Variants in DLG2 observed in about 807,000 individuals in gnomAD.
DLG2 encodes disks large homolog 2.
A neutral mutation model predicts 132.5 loss-of-function variants in DLG2; 45 were observed. That is an observed-to-expected ratio of 0.34 (90% CI 0.27 to 0.44). DLG2 has a LOEUF of 0.44. DLG2 is among the 20% of genes least tolerant of loss of function. The probability of loss-of-function intolerance (pLI) is 1.00; values close to 1 mark genes in which losing one functional copy is unlikely to be tolerated. For missense variants in DLG2, 1,045 were observed against 1,196.9 expected (o/e 0.87, Z 1.87); for synonymous variants, 424 against 419.6 (o/e 1.01, Z -0.13).
chr11:84,239,763 T>C (rs774751092), intron 8 of DLG2, among the ~76,000 whole-genome samples: 1 of 152,208 alleles, frequency 6.6e-6, no homozygotes, highest in African/African-American at 2.4e-5. Flanking sequence ...AGTATACTGA[T>C]ACAATTGCAA....
intron 6 of DLG2, among the ~76,000 whole-genome samples, chr11:84,604,701 C>G (rs961780381): frequency 3.9e-5 from 6 of 151,926 alleles, no homozygotes; most frequent in Admixed American, 2.6e-4. Flanking sequence ...ATGACAAGGT[C>G]AACACCAGAT....
intron 6 of DLG2, among the ~76,000 whole-genome samples, chr11:85,030,950 CTT>C (rs889745863): frequency 1.3e-5 from 2 of 151,726 alleles, no homozygotes; most frequent in Admixed American, 1.3e-4. Flanking sequence ...TTTTTAAAAT[CTT>C]TTAAATTTTA....
At chr11:85,234,878 C>T (rs1015725221) in intron 4 of DLG2, among the ~76,000 whole-genome samples, 1 of 151,970 alleles carries the variant, frequency 6.6e-6, no homozygotes, top group East Asian at 1.9e-4. Context: ...AGTGTCTTTT[C>T]ATCAAGAGGG....
At chr11:85,465,218 C>G (rs931781964) in intron 3 of DLG2, among the ~76,000 whole-genome samples, 1 of 146,516 alleles carries the variant, frequency 6.8e-6, no homozygotes, top group South Asian at 2.3e-4. Flanking sequence ...TCATAGCTCA[C>G]TGGAAACTCA....
intron 7 of DLG2, among the ~76,000 whole-genome samples, chr11:84,439,118 G>T (rs2099009903): frequency 1.3e-5 from 2 of 152,176 alleles, no homozygotes; most frequent in Admixed American, 1.3e-4. Context: ...TAACTCCTGT[G>T]CCTAGAACAG....
chr11:85,135,657 A>G (rs932005754), intron 5 of DLG2, among the ~76,000 whole-genome samples: 1 of 152,162 alleles, frequency 6.6e-6, no homozygotes, highest in African/African-American at 2.4e-5. Flanking sequence ...CACCTGACAC[A>G]TGTTTGTTGA....
At chr11:85,052,157 T>C (rs988437608) in intron 6 of DLG2, among the ~76,000 whole-genome samples, 1 of 152,166 alleles carries the variant, frequency 6.6e-6, no homozygotes, top group Admixed American at 6.6e-5. Context: ...TCTCTAATGT[T>C]GAAAATGTCA....
At chr11:84,251,346 A>G (rs1567069189) in intron 7 of DLG2, 55 bp from the exon 8 acceptor site, 4 of 1,317,354 alleles carry the variant, frequency 3.0e-6, no homozygotes, top group Non-Finnish European at 4.1e-6. Flanking sequence ...TCTGAGACAG[A>G]TTATTTCTGT....
intron 7 of DLG2, among the ~76,000 whole-genome samples, chr11:84,267,354 G>C (rs927269616): frequency 6.6e-6 from 1 of 152,226 alleles, no homozygotes; most frequent in Non-Finnish European, 1.5e-5. Context: ...GGAAAGGCTT[G>C]TGGAAGGGGA....
chr11:85,514,113 C>T (rs527940544), intron 3 of DLG2, among the ~76,000 whole-genome samples: 4 of 151,970 alleles, frequency 2.6e-5, no homozygotes, highest in Non-Finnish European at 5.9e-5. Flanking sequence ...CCTTCTTGTT[C>T]TTATATAATC....
intron 16 of DLG2, among the ~76,000 whole-genome samples, chr11:83,842,358 GGCC>G (rs2057738726): frequency 1.3e-5 from 2 of 152,162 alleles, no homozygotes; most frequent in African/African-American, 4.8e-5. Context: ...CACTCTGGGA[GGCC>G]AAGGCGGGCG....
intron 7 of DLG2, among the ~76,000 whole-genome samples, chr11:84,256,235 T>C (rs926018213): frequency 1.6e-4 from 24 of 152,196 alleles, no homozygotes; most frequent in African/African-American, 5.8e-4. Flanking sequence ...TGGTTACCTT[T>C]TGATATGTGT....
intron 2 of DLG2, among the ~76,000 whole-genome samples, chr11:85,605,809 T>C (rs1349446622): frequency 6.6e-6 from 1 of 152,092 alleles, no homozygotes; most frequent in Non-Finnish European, 1.5e-5. Context: ...TGAAACCCCG[T>C]CTCTACTAAA....
chr11:85,361,518 G>A (rs547130953), intron 3 of DLG2, among the ~76,000 whole-genome samples: 16 of 152,154 alleles, frequency 1.1e-4, no homozygotes, highest in Admixed American at 7.9e-4. Context: ...CCATGTGTAC[G>A]CATTGTTTAG....
chr11:83,944,192 A>G (rs1464528204), intron 14 of DLG2, among the ~76,000 whole-genome samples: 2 of 152,238 alleles, frequency 1.3e-5, no homozygotes, highest in Non-Finnish European at 2.9e-5. Context: ...CTCTTCCCTC[A>G]CTGACAAAAC....
At chr11:83,726,443 A>T (rs1034129529) in intron 18 of DLG2, among the ~76,000 whole-genome samples, 2 of 152,198 alleles carry the variant, frequency 1.3e-5, no homozygotes, top group African/African-American at 4.8e-5. Flanking sequence ...AAAGTTTTTT[A>T]AAAAGAACTT....
chr11:85,332,642 A>G (rs1190042907), intron 3 of DLG2, among the ~76,000 whole-genome samples: 58 of 152,212 alleles, frequency 3.8e-4, no homozygotes, highest in Admixed American at 3.7e-3. Flanking sequence ...ATATGGTGAA[A>G]GGAAGGGGTC....
At chr11:84,814,298 G>A (rs186943015) in intron 6 of DLG2, among the ~76,000 whole-genome samples, 6 of 151,996 alleles carry the variant, frequency 3.9e-5, no homozygotes, top group Non-Finnish European at 8.8e-5. Context: ...GGAGAAAGTC[G>A]CTATCGGGAC....
At chr11:83,763,474 C>G (rs2094002929) in intron 18 of DLG2, among the ~76,000 whole-genome samples, 1 of 152,146 alleles carries the variant, frequency 6.6e-6, no homozygotes, top group Admixed American at 6.5e-5. Flanking sequence ...TTGCAAATTG[C>G]TCTCTTCATT....
Sources: gnomAD v4.1 joint callset for allele counts (sites outside exome capture counted in the v4.1 genomes callset) on GRCh38, gnomAD v4.1.1 for gene constraint, MANE v1.5 for transcripts, NCBI Gene and HGNC (gene_info 2026-07-23, HGNC 2026-07-21) for gene names.